The following OPCML variants were observed in gnomAD, a reference collection of about 807,000 sequenced individuals.
OPCML encodes the protein opioid binding protein/cell adhesion molecule like, also known as opioid-binding protein/cell adhesion molecule.
OPCML carries 13 observed loss-of-function variants against 37.8 expected under a neutral mutation model. That is an observed-to-expected ratio of 0.34 (90% CI 0.22 to 0.55). OPCML has a LOEUF of 0.55. Among genes scored for constraint, OPCML ranks in the 20% least tolerant of loss-of-function variants. The pLI is 0.91. For synonymous variants in OPCML, 176 were observed against 168.8 expected, an observed-to-expected ratio of 1.04 and a Z score of -0.33; for missense variants, 341 against 435.6, an observed-to-expected ratio of 0.78 and a Z score of 1.93.
intron 3 of OPCML, among the ~76,000 whole-genome samples, chr11:132,583,943 A>G (rs1336307526): frequency 1.3e-5 from 2 of 152,102 alleles, no homozygotes; most frequent in Non-Finnish European, 2.9e-5. Context: ...TAGTTCACCA[A>G]TACAGTGTCA....
intron 1 of OPCML, among the ~76,000 whole-genome samples, chr11:133,098,032 T>C (rs2137065959): frequency 6.6e-6 from 1 of 152,194 alleles, no homozygotes; most frequent in East Asian, 1.9e-4. Flanking sequence ...AGGCCAGCAT[T>C]ACCCTAATAC....
At chr11:133,285,038 C>T (rs1942260247) in intron 1 of OPCML, among the ~76,000 whole-genome samples, 1 of 151,982 alleles carries the variant, frequency 6.6e-6, no homozygotes, top group Admixed American at 6.6e-5. Context: ...CAAATCAAAT[C>T]AGAACACAAG....
chr11:133,423,210 C>T, intron 1 of OPCML: 1 of 985,402 alleles, frequency 1.0e-6, no homozygotes, highest in Non-Finnish European at 1.2e-6. Context: ...CAATCATCCC[C>T]TTGATCATTT....
intron 1 of OPCML, among the ~76,000 whole-genome samples, chr11:133,439,919 A>G (rs1018252608): frequency 1.3e-5 from 2 of 152,240 alleles, no homozygotes; most frequent in African/African-American, 4.8e-5. Flanking sequence ...AAAATGGCTG[A>G]ATATCCAGAA....
intron 1 of OPCML, among the ~76,000 whole-genome samples, chr11:133,014,024 T>G (rs1409925820): frequency 6.6e-6 from 1 of 152,158 alleles, no homozygotes; most frequent in Non-Finnish European, 1.5e-5. Flanking sequence ...CTAGGAAGAA[T>G]GAAGGTTAAC....
chr11:133,143,427 G>A (rs1271685858), intron 1 of OPCML, among the ~76,000 whole-genome samples: 8 of 152,228 alleles, frequency 5.3e-5, no homozygotes, highest in Non-Finnish European at 1.5e-5. Flanking sequence ...CATCAGGTCT[G>A]CAGGTGACAG....
chr11:133,399,271 C>T (rs557679529), intron 1 of OPCML, among the ~76,000 whole-genome samples: 3 of 152,114 alleles, frequency 2.0e-5, no homozygotes, highest in South Asian at 2.1e-4. Flanking sequence ...ATTGATGACG[C>T]GTGGTGGCTT....
intron 3 of OPCML, among the ~76,000 whole-genome samples, chr11:132,610,852 T>C (rs533944688): frequency 1.4e-4 from 22 of 152,302 alleles, no homozygotes; most frequent in African/African-American, 5.3e-4. Context: ...ATTAAAGCAG[T>C]TTGATCACTT....
intron 2 of OPCML, among the ~76,000 whole-genome samples, chr11:132,882,642 C>T (rs1256030737): frequency 6.6e-6 from 1 of 152,086 alleles, no homozygotes; most frequent in Non-Finnish European, 1.5e-5. Flanking sequence ...TCAAGATGAA[C>T]AAGAACTAGA....
At chr11:133,107,479 T>A (rs1053585281) in intron 1 of OPCML, among the ~76,000 whole-genome samples, 2 of 152,188 alleles carry the variant, frequency 1.3e-5, no homozygotes, top group Non-Finnish European at 2.9e-5. Context: ...AAACTTCTCA[T>A]CATCAATGAA....
At chr11:133,288,766 T>C (rs1324692640) in intron 1 of OPCML, among the ~76,000 whole-genome samples, 1 of 152,202 alleles carries the variant, frequency 6.6e-6, no homozygotes, top group African/African-American at 2.4e-5. Context: ...TTCTAATGAA[T>C]AGCTAGAATT....
At chr11:132,683,496 A>G (rs1375640325) in intron 2 of OPCML, among the ~76,000 whole-genome samples, 2 of 152,238 alleles carry the variant, frequency 1.3e-5, no homozygotes, top group African/African-American at 4.8e-5. Flanking sequence ...ATCAAGACCA[A>G]ATCCTGCTAC....
rs1271777700 is a variant in OPCML at position 133,208,689 on chromosome 11, A to C, written c.62-265679T>G. ...CCTTCTCATGTCCATTTACTGAAGG[A>C]ATTTCTAAGCACTAGCCATCCAAGT... On this transcript the variant is annotated intron_variant, in intron 1 of 7. Transcript: ENST00000524381. This position sits in a 1 kb window ranked among gnomAD's most constrained non-coding sequence, Gnocchi z 8.9. Among the ~76,000 whole-genome samples, 1 of 152,190 alleles carries C rather than the reference A, an allele frequency of 6.6e-6. No homozygotes were observed. Among genetic ancestry groups the C allele is most frequent in the Non-Finnish European group, 1.5e-5 (1 of 68,040 alleles).
At chr11:132,649,255 C>T (rs1344928259) in intron 3 of OPCML, among the ~76,000 whole-genome samples, 1 of 151,998 alleles carries the variant, frequency 6.6e-6, no homozygotes, top group Non-Finnish European at 1.5e-5. Context: ...AGGCCTGATA[C>T]AAGGAGAAAT....
intron 1 of OPCML, among the ~76,000 whole-genome samples, chr11:133,267,143 G>A (rs1309590831): frequency 6.6e-6 from 1 of 152,142 alleles, no homozygotes; most frequent in African/African-American, 2.4e-5. Context: ...TGGAAAGAGT[G>A]TACATTTTGG....
chr11:133,423,350 T>C (rs1945932676), intron 1 of OPCML: 2 of 985,440 alleles, frequency 2.0e-6, no homozygotes, highest in Non-Finnish European at 2.4e-6. Context: ...TCATGTGAGC[T>C]AGCTGCAGAT....
At chr11:133,094,537 T>C (rs1489476178) in intron 1 of OPCML, among the ~76,000 whole-genome samples, 1 of 152,192 alleles carries the variant, frequency 6.6e-6, no homozygotes, top group Non-Finnish European at 1.5e-5. Flanking sequence ...ACTGATGTTT[T>C]TACAAACAAA....
At chr11:132,554,384 G>A (rs1332202036) in intron 3 of OPCML, among the ~76,000 whole-genome samples, 1 of 152,212 alleles carries the variant, frequency 6.6e-6, no homozygotes, top group African/African-American at 2.4e-5. Flanking sequence ...TCAAATCAAA[G>A]TCTGTCAGGG....
rs1391801655 is a variant in OPCML at position 132,681,779 on chromosome 11, C to T, written c.147-24460G>A. ...GACCATCCTGGCTAACACGGTGAAA[C>T]CCCGTCTCTACTAAAAATACAAAAA... On this transcript the variant is annotated intron_variant, in intron 2 of 7. Coordinates refer to ENST00000524381, the MANE Select transcript of OPCML (RefSeq NM_001012393.5). 2.0e-5 allele frequency among the ~76,000 whole-genome samples: 3 copies of T among 152,006 alleles called. No individual in the cohort carries two copies. The South Asian group carries it at 6.2e-4, about 32-fold the overall frequency.
Sources: allele counts gnomAD v4.1 joint callset (sites outside exome capture counted in the v4.1 genomes callset), GRCh38; gene constraint gnomAD v4.1.1; non-coding constraint Gnocchi (gnomAD v3.1); transcripts MANE v1.5; gene names NCBI Gene and HGNC (gene_info 2026-07-23, HGNC 2026-07-21).